Variants in LIPG observed in about 807,000 individuals in gnomAD.
LIPG encodes the protein endothelial lipase.
Under a neutral mutation model 51.8 loss-of-function variants are expected in LIPG, and 34 were observed. That is an observed-to-expected ratio of 0.66 (90% confidence interval 0.50 to 0.87). The LOEUF is 0.87. Ranked by LOEUF, LIPG falls within the 40% of genes least tolerant of loss-of-function variation. LIPG has a pLI of 0.00. For synonymous variants in LIPG, 246 were observed against 246.1 expected (o/e 1.00, Z 0.00); for missense variants, 580 against 652.7 (o/e 0.89, Z 1.21).
At position 49,582,381 on chromosome 18, in the gene LIPG, A is replaced by T; in HGVS notation, c.1056A>T (p.Lys352Asn). The change falls in exon 7 of 10, where the codon AAA (lysine) becomes AAT (asparagine). Residue 352 changes from lysine to asparagine, a missense_variant. Coordinates refer to ENST00000261292, the MANE Select transcript of LIPG (RefSeq NM_006033.4). ...MPFRVYHYQM[K>N]IHVFSYKNMG... ...CTGCAGTTTACCATTATCAGATGAA[A>T]ATCCATGTCTTCAGTTACAAGAACA... 6.2e-7 allele frequency: 1 copy of T among 1,614,182 alleles called. No individual in the cohort carries two copies. The highest frequency in any genetic ancestry group is 8.5e-7 in the Non-Finnish European group (1 of 1,180,032).
At position 49,569,503 on chromosome 18, in the gene LIPG, G is replaced by T; in HGVS notation, c.526G>T (p.Gly176Trp). Residue 176 changes from glycine (G) to tryptophan (W), a missense_variant, in exon 4 of 10, where the codon GGG becomes TGG. Physicochemically the swap from Gly to Trp is radical, Grantham distance 184. Coordinates refer to ENST00000261292, the MANE Select transcript of LIPG (RefSeq NM_006033.4). ...IGYSLGAHVA[G>W]YAGNFVKGTV... Reference sequence around the variant, plus strand: ...CTACAGCCTCGGAGCGCACGTGGCCGGGTATGCAGGCAACTTCGTGAAAGG... The same window carrying T: ...CTACAGCCTCGGAGCGCACGTGGCCTGGTATGCAGGCAACTTCGTGAAAGG... 6.2e-7 allele frequency: 1 copy of T among 1,614,156 alleles called. No individual in the cohort carries two copies.
intron 4 of LIPG, 47 bp downstream of exon 4, chr18:49,569,595 C>A: frequency 7.0e-7 from 1 of 1,422,566 alleles, no homozygotes. Context: ...CTGCGCTAAG[C>A]CGGAATGCTC....
intron 1 of LIPG, among the ~76,000 whole-genome samples, chr18:49,563,347 C>T (rs891921699): frequency 2.6e-5 from 4 of 152,152 alleles, no homozygotes; most frequent in African/African-American, 9.7e-5. Context: ...ATCTCTGGCT[C>T]CTCACCTGTA....
At chr18:49,586,694 C>A in intron 8 of LIPG, 52 bp from the exon 9 acceptor site, 1 of 1,319,140 alleles carries the variant, frequency 7.6e-7, no homozygotes, top group Non-Finnish European at 1.1e-6. Flanking sequence ...GAAAGCACAG[C>A]TGGATTCCCC....
intron 4 of LIPG, 67 bp from the exon 5 acceptor site, chr18:49,575,302 G>A: frequency 7.9e-7 from 1 of 1,268,036 alleles, no homozygotes. Flanking sequence ...GACTTAACTT[G>A]TAATCAGGAC....
chr18:49,592,082 C>T lies in LIPG; in HGVS notation c.*1560C>T, dbSNP rs776368627. On this transcript the variant is annotated 3_prime_UTR_variant, in exon 10 of 10. Transcript: ENST00000261292. ...GGTTGGACTTTTTATGGCTGAGATT[C>T]GGGAGGAAGTGTGACACCAAGCAGG... is the stretch of plus-strand genomic sequence containing the variant. The T allele has an allele frequency of 1.3e-5, 2 of 151,870 alleles. No individual in the cohort carries two copies. Among genetic ancestry groups the T allele is most frequent in the African/African-American group, 4.8e-5 (2 of 41,326 alleles). 9.4% of individuals were successfully genotyped at this position (151,870 alleles called of 1,614,324 possible). A position where few individuals can be genotyped will look rare whatever the true frequency, so the allele number is the denominator to read the frequency against.
chr18:49,582,111 A>G (rs1414963251), intron 6 of LIPG, among the ~76,000 whole-genome samples: 3 of 152,210 alleles, frequency 2.0e-5, no homozygotes, highest in Non-Finnish European at 4.4e-5. Flanking sequence ...TCCTTAATCC[A>G]GGGGCACGTA....
In LIPG at chr18:49,581,561, A is replaced by C. The variant is rs1211819461; in HGVS notation, c.940A>C (p.Asn314His). 1 of 1,614,248 alleles carries C rather than the reference A, an allele frequency of 6.2e-7. No homozygotes were observed. Among genetic ancestry groups the C allele is most frequent in the East Asian group, 2.2e-5 (1 of 44,884 alleles). ...GGGGATCTGTCTGAGCTGCCGCAAG[A>C]ACCGTTGTAATAGCATTGGCTACAA... ...KKGICLSCRKNRCNSIGYNAK... is the reference protein window; with the variant it reads ...KKGICLSCRKHRCNSIGYNAK... Residue 314 changes from asparagine (N) to histidine (H), a missense_variant, in exon 6 of 10, where the codon AAC becomes CAC. Coordinates refer to ENST00000261292, the MANE Select transcript of LIPG (RefSeq NM_006033.4).
chr18:49,571,483 T>A (rs9964363), intron 4 of LIPG, among the ~76,000 whole-genome samples: 1 of 152,192 alleles, frequency 6.6e-6, no homozygotes, highest in Non-Finnish European at 1.5e-5. Flanking sequence ...TGCTAATTAG[T>A]GCTCTGGGAT....
chr18:49,573,593 GA>G (rs899709363), intron 4 of LIPG, among the ~76,000 whole-genome samples: 23 of 150,440 alleles, frequency 1.5e-4, no homozygotes, highest in African/African-American at 3.4e-4. Flanking sequence ...AAAAAAAAAA[GA>G]AAAAAAAGTT....
rs1463143027 is a variant in LIPG at position 49,572,733 on chromosome 18, A to T, written c.572-2636A>T. Among the ~76,000 whole-genome samples the T allele has an allele frequency of 3.1e-3, 19 of 6,204 alleles. No individual in the cohort carries two copies. In the African/African-American group the frequency reaches 0.05, roughly 16 times the overall value. The allele number at this position is 6,204 out of a possible 152,430, so 4.1% of individuals were successfully genotyped here. ...GCAACAGAGTGAGACCCTGTCTTAA[A>T]AAAAAAAAAAAAAAAAAAAGTAGCC... On this transcript the variant is annotated intron_variant, in intron 4 of 9. Transcript: ENST00000261292.
chr18:49,586,014 C>T (rs1336994925), intron 8 of LIPG, among the ~76,000 whole-genome samples: 1 of 152,186 alleles, frequency 6.6e-6, no homozygotes, highest in East Asian at 1.9e-4. Context: ...CCTGCCTCAG[C>T]TCCAGGGTCA....
At position 49,593,091 on chromosome 18, in the gene LIPG, T is replaced by C. The variant is rs966094188; in HGVS notation, c.*2569T>C. The C allele has an allele frequency of 6.6e-6, 1 of 152,050 alleles. No homozygotes were observed. Among genetic ancestry groups the C allele is most frequent in the Admixed American group, 6.6e-5 (1 of 15,258 alleles). 9.4% of individuals were successfully genotyped at this position (152,050 alleles called of 1,614,324 possible). On this transcript the variant is annotated 3_prime_UTR_variant, in exon 10 of 10. Transcript: ENST00000261292. ...GATTACAGAGATGCGTCACCATGTC[T>C]GGCTAATTTTTGTATTTTTAGTAGA...
chr18:49,594,144 T>G lies in LIPG; in HGVS notation c.*3622T>G, dbSNP rs529520445. On this transcript the variant is annotated 3_prime_UTR_variant, in exon 10 of 10. Transcript: ENST00000261292. ...TCGTTTGGTGTTTTTTGTTTTTTTG[T>G]TTTTTTTTGAGATGGAGTCTTGCTC... The G allele has an allele frequency of 1.1e-5, 1 of 92,056 alleles. No homozygotes were observed. The highest frequency in any genetic ancestry group is 3.1e-5 in the African/African-American group (1 of 31,782). 5.7% of individuals were successfully genotyped at this position (92,056 alleles called of 1,614,324 possible). A position where few individuals can be genotyped will look rare whatever the true frequency, so the allele number is the denominator to read the frequency against.
chr18:49,586,899 G>C, intron 9 of LIPG, 49 bp downstream of exon 9: 1 of 1,322,004 alleles, frequency 7.6e-7, no homozygotes, highest in Non-Finnish European at 1.1e-6. Context: ...TTGACATGAT[G>C]ATCTCCTAGC....
chr18:49,590,840 TGCTG>T lies in LIPG; in HGVS notation c.*320_*323del. The stretch of plus-strand genomic sequence containing the variant: ...GTGCACACTGGATTGGTTTCTCAGT[TGCTG>T]GGCGAGCCTGTACTCTGCCTGACGA... On this transcript the variant is annotated 3_prime_UTR_variant, in exon 10 of 10. Coordinates refer to ENST00000261292, the MANE Select transcript of LIPG (RefSeq NM_006033.4). 2.1e-6 allele frequency: 1 copy of T among 468,750 alleles called. No individual in the cohort carries two copies. Among genetic ancestry groups the T allele is most frequent in the Non-Finnish European group, 3.9e-6 (1 of 254,112 alleles). 29.0% of individuals were successfully genotyped at this position (468,750 alleles called of 1,614,324 possible).
At chr18:49,578,832 C>G (rs1055861184) in intron 5 of LIPG, among the ~76,000 whole-genome samples, 6 of 150,952 alleles carry the variant, frequency 4.0e-5, no homozygotes, top group African/African-American at 7.3e-5. Context: ...ACCGGCCCGG[C>G]CAACACAGCG....
intron 8 of LIPG, among the ~76,000 whole-genome samples, chr18:49,584,424 C>T (rs1302519247): frequency 6.6e-6 from 1 of 152,178 alleles, no homozygotes; most frequent in African/African-American, 2.4e-5. Context: ...GCCTGGACTC[C>T]CTGAGCAGGC....
intron 4 of LIPG, among the ~76,000 whole-genome samples, chr18:49,570,091 C>G (rs1441273157): frequency 2.6e-5 from 4 of 152,176 alleles, no homozygotes; most frequent in Admixed American, 2.0e-4. Context: ...CCTCTGATTT[C>G]TATCTTGTCT....
Sources: allele counts gnomAD v4.1 joint callset (sites outside exome capture counted in the v4.1 genomes callset), GRCh38; gene constraint gnomAD v4.1.1; transcripts MANE v1.5; gene names NCBI Gene and HGNC (gene_info 2026-07-23, HGNC 2026-07-21).